GREM2: variants seen among roughly 807,000 people sequenced by gnomAD.
The protein encoded by GREM2 is gremlin-2.
In GREM2, 11 loss-of-function variants were observed where a neutral mutation model predicts 14.2. The observed-to-expected ratio is 0.78, with a 90% CI of 0.49 to 1.28. The LOEUF (loss-of-function observed/expected upper bound fraction) is 1.28, where lower values mean the gene tolerates loss of function less well. GREM2 is among the 50% of genes most tolerant of loss of function. GREM2 has a pLI of 0.00. For synonymous variants in GREM2, 98 were observed against 97.6 expected (o/e 1.00, Z -0.02); for missense variants, 210 against 218.5 (o/e 0.96, Z 0.24).
intron 1 of GREM2, among the ~76,000 whole-genome samples, chr1:240,551,038 T>C (rs891649885): frequency 3.9e-5 from 6 of 152,260 alleles, no homozygotes; most frequent in East Asian, 1.9e-4. Flanking sequence ...TATCCTGGGC[T>C]AAATATCTCT....
chr1:240,501,350 CACTG>C (rs1354823968), intron 1 of GREM2, among the ~76,000 whole-genome samples: 1 of 152,202 alleles, frequency 6.6e-6, no homozygotes, highest in African/African-American at 2.4e-5. Flanking sequence ...CTGAGTGGAA[CACTG>C]ACTATCATTT....
intron 1 of GREM2, among the ~76,000 whole-genome samples, chr1:240,514,611 C>G (rs10926287): frequency 0.25 from 37,796 of 152,028 alleles, 5,118 homozygotes; most frequent in East Asian, 0.45. Context: ...TCAACTTTAA[C>G]AAGAAGGCCA....
At chr1:240,553,105 T>C (rs1195393975) in intron 1 of GREM2, among the ~76,000 whole-genome samples, 1 of 152,160 alleles carries the variant, frequency 6.6e-6, no homozygotes, top group Non-Finnish European at 1.5e-5. Context: ...CAGAATTCTA[T>C]CAGAAATCAC....
At chr1:240,511,489 G>A (rs779683132) in intron 1 of GREM2, among the ~76,000 whole-genome samples, 1 of 152,122 alleles carries the variant, frequency 6.6e-6, no homozygotes, top group East Asian at 1.9e-4. Context: ...GTTGGCTCAC[G>A]CCTGTAATCC....
intron 1 of GREM2, among the ~76,000 whole-genome samples, chr1:240,607,637 A>C (rs1680054283): frequency 1.3e-5 from 2 of 152,202 alleles, no homozygotes; most frequent in African/African-American, 2.4e-5. Context: ...GAGAAGTTAA[A>C]GTTTACACAG....
intron 1 of GREM2, among the ~76,000 whole-genome samples, chr1:240,549,046 G>A (rs1678792195): frequency 6.6e-6 from 1 of 152,040 alleles, no homozygotes. Flanking sequence ...CTGTTAAGAA[G>A]TAAAGCAAGG....
At chr1:240,559,635 C>A (rs976427634) in intron 1 of GREM2, among the ~76,000 whole-genome samples, 3 of 152,072 alleles carry the variant, frequency 2.0e-5, no homozygotes, top group East Asian at 3.9e-4. Context: ...TAAGCCACTG[C>A]GCCTGGCCAA....
chr1:240,499,478 C>A (rs183018243), intron 1 of GREM2, among the ~76,000 whole-genome samples: 278 of 152,324 alleles, frequency 1.8e-3, no homozygotes, highest in Non-Finnish European at 3.0e-3. Context: ...AAAACCATGG[C>A]AGAACCAAAC....
In GREM2 at chr1:240,596,235, C is replaced by T. The variant is rs79431603; in HGVS notation, c.-2+15649G>A. 3.5e-3 allele frequency among the ~76,000 whole-genome samples: 533 copies of T among 152,276 alleles called. 3 individuals carry two copies. Among genetic ancestry groups the T allele is most frequent in the African/African-American group, 0.012 (509 of 41,544 alleles). ...TAGAATCCTAAGTCTAATCAATCAT[C>T]ACATATAATAAGTGTTATGTAGGTC... On this transcript the variant is annotated intron_variant, in intron 1 of 1. Transcript: ENST00000318160.
At chr1:240,603,257 G>A (rs1279214349) in intron 1 of GREM2, among the ~76,000 whole-genome samples, 1 of 152,128 alleles carries the variant, frequency 6.6e-6, no homozygotes, top group African/African-American at 2.4e-5. Flanking sequence ...TGGTGCTTGA[G>A]ACCATCCAGT....
At chr1:240,510,065 C>T (rs116312705) in intron 1 of GREM2, among the ~76,000 whole-genome samples, 23 of 152,176 alleles carry the variant, frequency 1.5e-4, no homozygotes, top group Non-Finnish European at 2.5e-4. Flanking sequence ...AAATAATTAT[C>T]GCTCTTTAAA....
At chr1:240,578,199 C>A (rs978896856) in intron 1 of GREM2, among the ~76,000 whole-genome samples, 2 of 152,100 alleles carry the variant, frequency 1.3e-5, no homozygotes, top group African/African-American at 4.8e-5. Context: ...AATCTCGGCT[C>A]ACTGCAACCT....
At chr1:240,545,292 G>C (rs893670067) in intron 1 of GREM2, among the ~76,000 whole-genome samples, 2 of 152,222 alleles carry the variant, frequency 1.3e-5, no homozygotes, top group Non-Finnish European at 2.9e-5. Context: ...GAGGGCTTTC[G>C]GATAGTTGGA....
intron 1 of GREM2, among the ~76,000 whole-genome samples, chr1:240,502,134 G>A (rs1386397485): frequency 2.6e-5 from 4 of 152,076 alleles, no homozygotes; most frequent in Non-Finnish European, 4.4e-5. Context: ...TCGGAGCAGA[G>A]TATAGCTTTT....
chr1:240,546,743 GAA>G lies in GREM2; in HGVS notation c.-1-53269_-1-53268del, dbSNP rs1297772562. 2.0e-5 allele frequency among the ~76,000 whole-genome samples: 3 copies of G among 152,120 alleles called. No individual in the cohort carries two copies. In the East Asian group the frequency reaches 5.8e-4, roughly 29 times the overall value. On this transcript the variant is annotated intron_variant, in intron 1 of 1. Coordinates refer to ENST00000318160, the MANE Select transcript of GREM2 (RefSeq NM_022469.4). ...CATGGTATCTTTTGGGAATGAGAGA[GAA>G]AATGAAATTTTTATCTCATTGAAAG... is the stretch of plus-strand genomic sequence containing the variant.
At chr1:240,507,075 G>C (rs1418015457) in intron 1 of GREM2, among the ~76,000 whole-genome samples, 1 of 152,208 alleles carries the variant, frequency 6.6e-6, no homozygotes, top group Non-Finnish European at 1.5e-5. Flanking sequence ...CTGGTTTTGG[G>C]CAGGGCAGGG....
chr1:240,509,657 T>A lies in GREM2; in HGVS notation c.-1-16181A>T, dbSNP rs184029003. ...TGCTGGGATTACAGGCATGAGCCAC[T>A]GCACCCGGTGCTCATTTGACTCTTA... On this transcript the variant is annotated intron_variant, in intron 1 of 1. Coordinates refer to ENST00000318160, the MANE Select transcript of GREM2 (RefSeq NM_022469.4). 2.0e-5 allele frequency among the ~76,000 whole-genome samples: 3 copies of A among 152,068 alleles called. No individual in the cohort carries two copies. The East Asian group carries it at 5.8e-4, about 30-fold the overall frequency.
chr1:240,570,144 T>C (rs1311744424), intron 1 of GREM2, among the ~76,000 whole-genome samples: 2 of 152,204 alleles, frequency 1.3e-5, no homozygotes, highest in African/African-American at 4.8e-5. Flanking sequence ...AGCTAGGTTG[T>C]TGGGTCCATG....
intron 1 of GREM2, among the ~76,000 whole-genome samples, chr1:240,563,050 G>A (rs1213278269): frequency 6.8e-6 from 1 of 148,038 alleles, no homozygotes; most frequent in South Asian, 2.2e-4. Flanking sequence ...ATGTGTGTAT[G>A]TGTATAGTGA....
Sources: allele counts gnomAD v4.1 joint callset (sites outside exome capture counted in the v4.1 genomes callset), GRCh38; gene constraint gnomAD v4.1.1; transcripts MANE v1.5; gene names NCBI Gene and HGNC (gene_info 2026-07-23, HGNC 2026-07-21).